Variants in PTPRJ observed in about 807,000 individuals in gnomAD.
PTPRJ encodes the protein protein tyrosine phosphatase receptor type J, also known as receptor-type tyrosine-protein phosphatase eta.
Under a neutral mutation model 141.3 loss-of-function variants are expected in PTPRJ, and 129 were observed. The observed-to-expected ratio is 0.91, with a 90% CI of 0.79 to 1.06. The LOEUF is 1.06. Among genes scored for constraint, PTPRJ ranks in the 50% least tolerant of loss-of-function variants. The probability of loss-of-function intolerance (pLI) is 0.00; values close to 1 mark genes in which losing one functional copy is unlikely to be tolerated. For synonymous variants in PTPRJ, 610 were observed against 640.5 expected, an observed-to-expected ratio of 0.95 and a Z score of 0.72; for missense variants, 1,601 against 1,679.7, an observed-to-expected ratio of 0.95 and a Z score of 0.82.
chr11:48,069,996 C>G (rs1855201140), intron 1 of PTPRJ, among the ~76,000 whole-genome samples: 1 of 152,156 alleles, frequency 6.6e-6, no homozygotes, highest in Non-Finnish European at 1.5e-5. Flanking sequence ...CTTGGATCAT[C>G]CCAAAATATA....
At chr11:48,084,344 C>G (rs988643164) in intron 1 of PTPRJ, among the ~76,000 whole-genome samples, 1 of 152,018 alleles carries the variant, frequency 6.6e-6, no homozygotes, top group African/African-American at 2.4e-5. Flanking sequence ...CCCACACACC[C>G]TACTAATTTT....
At chr11:48,093,793 TAAAA>T (rs746278822) in intron 1 of PTPRJ, among the ~76,000 whole-genome samples, 1 of 128,164 alleles carries the variant, frequency 7.8e-6, no homozygotes, top group Non-Finnish European at 1.7e-5. Flanking sequence ...TTTGCTGCCC[TAAAA>T]AAAAAAAAAA....
In PTPRJ at chr11:48,145,236, C is replaced by A; in HGVS notation, c.2911+112C>A. ...TCAGACCTTCAGGAGGGTTGGTGTG[C>A]CCAGCTCTCCCCTCCCAGAGGTTGA... On this transcript the variant is annotated intron_variant, in intron 14 of 24. Transcript: ENST00000418331. 11 of 1,401,166 alleles carry A rather than the reference C, an allele frequency of 7.9e-6. No homozygotes were observed. In the South Asian group the frequency reaches 1.2e-4, roughly 15 times the overall value. 86.8% of individuals were successfully genotyped at this position (1,401,166 alleles called of 1,614,324 possible). A position where few individuals can be genotyped will look rare whatever the true frequency, so the allele number is the denominator to read the frequency against.
intron 1 of PTPRJ, among the ~76,000 whole-genome samples, chr11:48,033,166 A>T (rs575411313): frequency 6.6e-6 from 1 of 152,266 alleles, no homozygotes; most frequent in Non-Finnish European, 1.5e-5. Flanking sequence ...TTCCAAGGAA[A>T]GCCCCTCCTG....
At chr11:48,025,553 A>G (rs969561437) in intron 1 of PTPRJ, among the ~76,000 whole-genome samples, 7 of 152,218 alleles carry the variant, frequency 4.6e-5, no homozygotes, top group Admixed American at 3.9e-4. Flanking sequence ...AGAAATGAAC[A>G]TGACATGCAG....
At chr11:48,146,548 C>T (rs1288202639) in intron 14 of PTPRJ, among the ~76,000 whole-genome samples, 1 of 152,102 alleles carries the variant, frequency 6.6e-6, no homozygotes, top group Non-Finnish European at 1.5e-5. Context: ...TCAGAGGTGG[C>T]AGGAAAAATA....
At chr11:48,162,514 G>T (rs980969203) in intron 22 of PTPRJ, among the ~76,000 whole-genome samples, 1 of 151,996 alleles carries the variant, frequency 6.6e-6, no homozygotes, top group Non-Finnish European at 1.5e-5. Flanking sequence ...CTGTGATGAG[G>T]TCTTCTAGCA....
chr11:48,052,735 C>T (rs190190536), intron 1 of PTPRJ, among the ~76,000 whole-genome samples: 1 of 152,202 alleles, frequency 6.6e-6, no homozygotes, highest in Non-Finnish European at 1.5e-5. Context: ...AAGGGCTGAC[C>T]CTACCTTACC....
chr11:48,122,761 T>C (rs1000290151), intron 4 of PTPRJ, among the ~76,000 whole-genome samples: 1 of 152,242 alleles, frequency 6.6e-6, no homozygotes, highest in Non-Finnish European at 1.5e-5. Flanking sequence ...ACATGTGCTG[T>C]GAAGAATCAT....
At chr11:48,004,342 C>G (rs144194722) in intron 1 of PTPRJ, among the ~76,000 whole-genome samples, 19 of 152,292 alleles carry the variant, frequency 1.2e-4, no homozygotes, top group Non-Finnish European at 2.2e-4. Context: ...AGTTTCTTTA[C>G]TTGTAAATTG....
intron 1 of PTPRJ, among the ~76,000 whole-genome samples, chr11:48,045,848 G>A (rs1398976817): frequency 1.3e-5 from 2 of 152,138 alleles, no homozygotes; most frequent in African/African-American, 4.8e-5. Context: ...TTCTACATGT[G>A]TTCCCGTGAG....
chr11:48,076,221 A>G (rs920054839), intron 1 of PTPRJ, among the ~76,000 whole-genome samples: 2 of 152,106 alleles, frequency 1.3e-5, no homozygotes, highest in Non-Finnish European at 2.9e-5. Context: ...TGGCTGGGGT[A>G]CCTTACACAG....
Position 48,167,568 on chromosome 11 carries a change from T to A in PTPRJ, c.*206T>A. On this transcript the variant is annotated 3_prime_UTR_variant, in exon 25 of 25. Coordinates refer to ENST00000418331, the MANE Select transcript of PTPRJ (RefSeq NM_002843.4). ...CTGTGGATGGGTGGGGAGCAAATCA[T>A]CTGCATTCCTGATGACCAATGGGAT... is the stretch of plus-strand genomic sequence containing the variant. The A allele has an allele frequency of 2.2e-6, 1 of 461,802 alleles. No individual in the cohort carries two copies. Among genetic ancestry groups the A allele is most frequent in the Non-Finnish European group, 3.7e-6 (1 of 272,790 alleles). 28.6% of individuals were successfully genotyped at this position (461,802 alleles called of 1,614,324 possible).
Position 48,119,995 on chromosome 11 carries a change from A to G in PTPRJ, c.353-1008A>G, listed in dbSNP as rs534565932. Among the ~76,000 whole-genome samples the G allele has an allele frequency of 2.6e-5, 4 of 152,314 alleles. No individual in the cohort carries two copies. In the East Asian group the frequency reaches 7.7e-4, roughly 29 times the overall value. On this transcript the variant is annotated intron_variant, in intron 3 of 24. Coordinates refer to ENST00000418331, the MANE Select transcript of PTPRJ (RefSeq NM_002843.4). ...GATCTTGTACATCTAAGATGATGAA[A>G]CTAAGGTTCAGAGAGGTGAGATGAC...
intron 21 of PTPRJ, among the ~76,000 whole-genome samples, chr11:48,156,633 A>C: frequency 7.4e-6 from 1 of 135,416 alleles, no homozygotes; most frequent in African/African-American, 2.8e-5. Flanking sequence ...CTCCTCTGTC[A>C]GCCAGCCTGG....
chr11:48,018,946 G>C (rs770507334), intron 1 of PTPRJ, among the ~76,000 whole-genome samples: 52 of 152,278 alleles, frequency 3.4e-4, no homozygotes, highest in Non-Finnish European at 5.4e-4. Flanking sequence ...GGTGGGGAGG[G>C]GGGCAGGGGA....
chr11:48,071,972 C>T (rs1855271242), intron 1 of PTPRJ, among the ~76,000 whole-genome samples: 2 of 137,592 alleles, frequency 1.5e-5, no homozygotes, highest in South Asian at 2.4e-4. Context: ...GTGGCATGAT[C>T]TTGGCTCACT....
At chr11:48,113,193 A>C (rs752883191) in intron 3 of PTPRJ, among the ~76,000 whole-genome samples, 2 of 152,350 alleles carry the variant, frequency 1.3e-5, no homozygotes, top group Non-Finnish European at 2.9e-5. Context: ...ACCATTGATC[A>C]CTTGATATAC....
chr11:48,152,060 A>C (rs1025308660), intron 18 of PTPRJ, among the ~76,000 whole-genome samples: 8 of 152,164 alleles, frequency 5.3e-5, no homozygotes, highest in Non-Finnish European at 7.3e-5. Flanking sequence ...TACAGTCCCA[A>C]CAACAGTGTA....
Sources: allele counts gnomAD v4.1 joint callset (sites outside exome capture counted in the v4.1 genomes callset), GRCh38; gene constraint gnomAD v4.1.1; transcripts MANE v1.5; gene names NCBI Gene and HGNC (gene_info 2026-07-23, HGNC 2026-07-21).